The following SLC9A8 variants were observed in gnomAD, a reference collection of about 807,000 sequenced individuals.
SLC9A8 encodes solute carrier family 9 member A8, also known as sodium/hydrogen exchanger 8.
A neutral mutation model predicts 66.6 loss-of-function variants in SLC9A8; 48 were observed. The observed-to-expected ratio is 0.72, with a 90% CI of 0.57 to 0.92. SLC9A8 has a LOEUF of 0.92. Ranked by LOEUF, SLC9A8 falls within the 40% of genes least tolerant of loss-of-function variation. SLC9A8 has a pLI of 0.00. For missense variants in SLC9A8, 599 were observed against 747.3 expected (o/e 0.80, Z 2.31); for synonymous variants, 274 against 282.6 (o/e 0.97, Z 0.31).
intron 2 of SLC9A8, among the ~76,000 whole-genome samples, chr20:49,816,892 C>A (rs1301565745): frequency 6.6e-6 from 1 of 151,936 alleles, no homozygotes; most frequent in Admixed American, 6.6e-5. Flanking sequence ...CCATGCCCAG[C>A]TAATTTTTTG....
chr20:49,849,774 C>T (rs932697561), intron 6 of SLC9A8, 94 bp downstream of exon 6: 6 of 976,242 alleles, frequency 6.1e-6, no homozygotes, highest in Admixed American at 1.9e-5. Context: ...CTTTGTGGGG[C>T]CTGGGTTTCA....
intron 10 of SLC9A8, among the ~76,000 whole-genome samples, chr20:49,872,230 T>C (rs2089239582): frequency 6.6e-6 from 1 of 152,154 alleles, no homozygotes; most frequent in Non-Finnish European, 1.5e-5. Flanking sequence ...AGGTGTGTCT[T>C]ACAGGAAGCA....
Position 49,819,708 on chromosome 20 carries a change from C to A in SLC9A8, c.209-3353C>A, listed in dbSNP as rs1441231288. Among the ~76,000 whole-genome samples, 4 of 152,254 alleles carry A rather than the reference C, an allele frequency of 2.6e-5. No individual in the cohort carries two copies. In the East Asian group the frequency reaches 7.7e-4, roughly 29 times the overall value. ...TAAAAGCAGTCATTCCCCATCCCTC[C>A]CTTTTCTAGTCCTTGGCAACCACTA... On this transcript the variant is annotated intron_variant, in intron 2 of 15. Coordinates refer to ENST00000361573, the MANE Select transcript of SLC9A8 (RefSeq NM_015266.3).
At chr20:49,878,395 T>G (rs1402687487) in intron 12 of SLC9A8, among the ~76,000 whole-genome samples, 1 of 152,162 alleles carries the variant, frequency 6.6e-6, no homozygotes, top group African/African-American at 2.4e-5. Flanking sequence ...ATTGAATATG[T>G]AATTGATCAT....
At chr20:49,813,741 A>C (rs1252926573) in intron 1 of SLC9A8, among the ~76,000 whole-genome samples, 2 of 152,192 alleles carry the variant, frequency 1.3e-5, no homozygotes, top group Non-Finnish European at 2.9e-5. Context: ...TTCAGCAGAA[A>C]CTTGAATGAC....
At chr20:49,866,517 C>T (rs2088974960) in intron 10 of SLC9A8, among the ~76,000 whole-genome samples, 1 of 152,174 alleles carries the variant, frequency 6.6e-6, no homozygotes, top group Admixed American at 6.5e-5. Context: ...ATATTGCCAC[C>T]ACACTTATTT....
chr20:49,842,062 T>TTA lies in SLC9A8; in HGVS notation c.348+2464_348+2465insAT, dbSNP rs566163435. On this transcript the variant is annotated intron_variant, in intron 4 of 15. Transcript: ENST00000361573. ...TATATTTATTTTATTTTATTTTATT[T>TTA]TTTTTTTTTTGCTGGGGAGTGGTGG... Among the ~76,000 whole-genome samples the TTA allele has an allele frequency of 2.8e-3, 404 of 143,436 alleles. 7 individuals carry two copies. In the East Asian group the frequency reaches 0.04, roughly 14 times the overall value. 94.1% of individuals were successfully genotyped at this position (143,436 alleles called of 152,430 possible). A position where few individuals can be genotyped will look rare whatever the true frequency, so the allele number is the denominator to read the frequency against.
In SLC9A8 at chr20:49,883,983, C is replaced by T. The variant is rs1322596225; in HGVS notation, c.1408C>T (p.Leu470Phe). The T allele has an allele frequency of 1.2e-6, 2 of 1,613,488 alleles. No individual in the cohort carries two copies. Among genetic ancestry groups the T allele is most frequent in the East Asian group, 2.2e-5 (1 of 44,870 alleles). ...GCTGCTGGGCGGCAGCACCATGCCC[C>T]TCATTCGCCTCATGGACATCGAGGA... ...ILLLGGSTMP[L>F]IRLMDIEDAK... Residue 470 changes from leucine (L) to phenylalanine (F), a missense_variant, in exon 14 of 16, where the codon CTC becomes TTC. Leu to Phe is a conservative substitution (Grantham distance 22, BLOSUM62 0). Around this residue, in one of 2 missense-constraint regions of SLC9A8, gnomAD observed 467 missense variants for 626.5 expected, o/e 0.75. Coordinates refer to ENST00000361573, the MANE Select transcript of SLC9A8 (RefSeq NM_015266.3).
rs1184148091 is a variant in SLC9A8, at chr20:49,890,047, T to C, written c.*2111T>C. On this transcript the variant is annotated 3_prime_UTR_variant, in exon 16 of 16. Transcript: ENST00000361573. ...AAAACGATGCTGTGGCGGAAGAGCATGTGGGGCTTGGTGGAGGGGCCCCAG... is the reference window on the plus strand; with the variant it reads ...AAAACGATGCTGTGGCGGAAGAGCACGTGGGGCTTGGTGGAGGGGCCCCAG... 1 of 152,086 alleles carries C rather than the reference T, an allele frequency of 6.6e-6. No individual in the cohort carries two copies. The highest frequency in any genetic ancestry group is 6.6e-5 in the Admixed American group (1 of 15,266). 9.4% of individuals were successfully genotyped at this position (152,086 alleles called of 1,614,324 possible). A position where few individuals can be genotyped will look rare whatever the true frequency, so the allele number is the denominator to read the frequency against.
At chr20:49,819,224 T>G (rs2086654175) in intron 2 of SLC9A8, among the ~76,000 whole-genome samples, 1 of 152,242 alleles carries the variant, frequency 6.6e-6, no homozygotes, top group Non-Finnish European at 1.5e-5. Context: ...ATGGAGTTAT[T>G]ATGATTGATA....
rs945128860 is a variant in SLC9A8 at position 49,845,638 on chromosome 20, C to T, written c.432+519C>T. On this transcript the variant is annotated intron_variant, in intron 5 of 15. Coordinates refer to ENST00000361573, the MANE Select transcript of SLC9A8 (RefSeq NM_015266.3). ...TTCCCCTTCATCCCTCAACCTCTAT[C>T]GCTCCTCGCCCACTCCCTGGTCCAG... Among the ~76,000 whole-genome samples, 5 of 152,130 alleles carry T rather than the reference C, an allele frequency of 3.3e-5. No individual in the cohort carries two copies. In the East Asian group the frequency reaches 5.8e-4, roughly 18 times the overall value.
In SLC9A8 at chr20:49,844,922, A is replaced by G. The variant is rs2087919042; in HGVS notation, c.349-114A>G. The G allele has an allele frequency of 6.3e-6, 4 of 635,802 alleles. No homozygotes were observed. In the Admixed American group the frequency reaches 7.7e-5, roughly 12 times the overall value. 39.4% of individuals were successfully genotyped at this position (635,802 alleles called of 1,614,324 possible). A position where few individuals can be genotyped will look rare whatever the true frequency, so the allele number is the denominator to read the frequency against. ...TATCAGGTAGTTATTTAAACATTAT[A>G]TGTTTCCACTAGGCCAGGCCCTGAG... On this transcript the variant is annotated intron_variant, in intron 4 of 15. Coordinates refer to ENST00000361573, the MANE Select transcript of SLC9A8 (RefSeq NM_015266.3).
Position 49,884,057 on chromosome 20 carries a change from T to C in SLC9A8, c.1482T>C (p.Thr494=). 6.2e-7 allele frequency: 1 copy of C among 1,613,334 alleles called. No individual in the cohort carries two copies. The highest frequency in any genetic ancestry group is 8.5e-7 in the Non-Finnish European group (1 of 1,179,886). ...RNKKDVNLSK[T]EKMGNTVESE... ...AGAAGGACGTCAACCTCAGCAAGAC[T>C]GAGAAGATGGTTAGTACCATGCGCC... Residue 494 remains threonine (T), a synonymous_variant, in exon 14 of 16, where the codon ACT becomes ACC. Coordinates refer to ENST00000361573, the MANE Select transcript of SLC9A8 (RefSeq NM_015266.3).
rs1568883586 is a variant in SLC9A8, at chr20:49,884,250, C to CACACACGACACACACACACACG, written c.1491+190_1491+191insGACACACACACACACGACACAC. On this transcript the variant is annotated intron_variant, in intron 14 of 15. Coordinates refer to ENST00000361573, the MANE Select transcript of SLC9A8 (RefSeq NM_015266.3). ...CACACACACACACACACGACACACA[C>CACACACGACACACACACACACG]ACACACACGACACACACACACACGA... 64 of 326,718 alleles carry CACACACGACACACACACACACG rather than the reference C, an allele frequency of 2.0e-4. 1 individual carries two copies. Among genetic ancestry groups the CACACACGACACACACACACACG allele is most frequent in the South Asian group, 7.6e-4 (30 of 39,422 alleles). 20.2% of individuals were successfully genotyped at this position (326,718 alleles called of 1,614,324 possible). A position where few individuals can be genotyped will look rare whatever the true frequency, so the allele number is the denominator to read the frequency against.
At chr20:49,870,734 C>G (rs1004738621) in intron 10 of SLC9A8, among the ~76,000 whole-genome samples, 2 of 152,156 alleles carry the variant, frequency 1.3e-5, no homozygotes, top group Non-Finnish European at 2.9e-5. Flanking sequence ...CAGGATCATG[C>G]TCTGTTACCC....
intron 10 of SLC9A8, among the ~76,000 whole-genome samples, chr20:49,870,862 C>T (rs1285101486): frequency 2.0e-5 from 3 of 152,146 alleles, no homozygotes; most frequent in Non-Finnish European, 4.4e-5. Context: ...GCTACCACAC[C>T]CAACTAGTTT....
chr20:49,856,373 TTAAAA>T (rs1260724774), intron 8 of SLC9A8, among the ~76,000 whole-genome samples: 1 of 152,146 alleles, frequency 6.6e-6, no homozygotes, highest in East Asian at 1.9e-4. Flanking sequence ...TTTCACAGCT[TTAAAA>T]TAAGGTAGGA....
At chr20:49,833,190 C>T (rs1308298759) in intron 3 of SLC9A8, among the ~76,000 whole-genome samples, 1 of 152,172 alleles carries the variant, frequency 6.6e-6, no homozygotes, top group Admixed American at 6.5e-5. Flanking sequence ...AGGTGTGAGC[C>T]GCCATGCCTA....
chr20:49,830,560 CG>C (rs1172086066), intron 3 of SLC9A8: 7 of 618,522 alleles, frequency 1.1e-5, no homozygotes, highest in East Asian at 2.9e-5. Context: ...GCGTCCAGGT[CG>C]GGGGGTCGCT....
Sources: allele counts gnomAD v4.1 joint callset (sites outside exome capture counted in the v4.1 genomes callset), GRCh38; gene constraint gnomAD v4.1.1; regional missense constraint gnomAD v4.1.1; transcripts MANE v1.5; gene names NCBI Gene and HGNC (gene_info 2026-07-23, HGNC 2026-07-21).